Variants in SRGAP1 observed in about 807,000 individuals in gnomAD.
SRGAP1 encodes the protein SLIT-ROBO Rho GTPase-activating protein 1.
Under a neutral mutation model 121.9 loss-of-function variants are expected in SRGAP1, and 43 were observed. The ratio of observed to expected loss-of-function variants is 0.35; its 90% CI spans 0.28 to 0.46. The LOEUF (loss-of-function observed/expected upper bound fraction) is 0.46. Ranked by LOEUF, SRGAP1 falls within the 20% of genes least tolerant of loss-of-function variation. The pLI is 1.00. For synonymous variants in SRGAP1, 447 were observed against 485.4 expected (o/e 0.92, Z 1.04); for missense variants, 1,102 against 1,350.9 (o/e 0.82, Z 2.89).
At chr12:64,056,634 C>T (rs1449816713) in intron 6 of SRGAP1, among the ~76,000 whole-genome samples, 1 of 151,998 alleles carries the variant, frequency 6.6e-6, no homozygotes, top group African/African-American at 2.4e-5. Context: ...AAAGACCTCC[C>T]ATTGTCCTTA....
intron 21 of SRGAP1, among the ~76,000 whole-genome samples, chr12:64,128,798 C>G (rs2036740070): frequency 6.6e-6 from 1 of 152,174 alleles, no homozygotes; most frequent in Admixed American, 6.5e-5. Context: ...CTATGTACCT[C>G]CTGAACACAT....
chr12:63,926,438 C>G (rs1415764459), intron 1 of SRGAP1, among the ~76,000 whole-genome samples: 1 of 152,156 alleles, frequency 6.6e-6, no homozygotes, highest in Non-Finnish European at 1.5e-5. Context: ...ACCCAAGTTG[C>G]AAGTGGTCCA....
intron 1 of SRGAP1, among the ~76,000 whole-genome samples, chr12:63,966,463 C>T (rs1432350830): frequency 6.6e-6 from 1 of 152,136 alleles, no homozygotes; most frequent in Admixed American, 6.5e-5. Context: ...CAAAGGAAAT[C>T]TTCACTTATG....
intron 3 of SRGAP1, among the ~76,000 whole-genome samples, chr12:64,009,222 T>G (rs1278164552): frequency 6.6e-6 from 1 of 152,188 alleles, no homozygotes; most frequent in Non-Finnish European, 1.5e-5. Context: ...TCTGAAACAG[T>G]TTTATAACTC....
rs777834691 is a variant in SRGAP1, at chr12:64,126,146, G to T, written c.2394G>T (p.Val798=). 1 of 1,613,154 alleles carries T rather than the reference G, an allele frequency of 6.2e-7. No homozygotes were observed. The highest frequency in any genetic ancestry group is 1.1e-5 in the South Asian group (1 of 90,968). The part of the protein sequence containing the change: ...IDGLVPHQYI[V]VQDMDDTFSD... ...GGCTGGTGCCTCACCAGTATATAGTGGTGCAGGATATGTGAGTAGTCTCAA... is the reference window on the plus strand; with the variant it reads ...GGCTGGTGCCTCACCAGTATATAGTTGTGCAGGATATGTGAGTAGTCTCAA... Residue 798 remains valine, a synonymous_variant, in exon 19 of 22, where the codon GTG becomes GTT. Coordinates refer to ENST00000355086, the MANE Select transcript of SRGAP1 (RefSeq NM_020762.4).
chr12:64,074,859 TATTA>T (rs1348873898), intron 8 of SRGAP1, among the ~76,000 whole-genome samples: 4 of 152,214 alleles, frequency 2.6e-5, no homozygotes, highest in African/African-American at 7.2e-5. Flanking sequence ...AGTATTCAGC[TATTA>T]ATTTAGTTAT....
rs781042705 is a variant in SRGAP1 at position 64,142,491 on chromosome 12, G to A, written c.3077G>A (p.Arg1026His). The change falls in exon 22 of 22, where the codon CGT becomes CAT. Residue 1026 changes from arginine to histidine, a missense_variant. Arg to His is a conservative substitution (Grantham distance 29). Transcript: ENST00000355086. ...AGGAGCTCCGAGCCTCAGATTCGAC[G>A]TAGCACGAGCTCCTCCAGTGACACA... Reference protein sequence around the residue: ...ALRSSEPQIRRSTSSSSDTMS... With the variant: ...ALRSSEPQIRHSTSSSSDTMS... 2.0e-5 allele frequency: 32 copies of A among 1,614,074 alleles called. No homozygotes were observed. In the Middle Eastern group the frequency reaches 6.6e-4, roughly 33 times the overall value.
intron 19 of SRGAP1, among the ~76,000 whole-genome samples, 161 bp from the exon 20 acceptor site, chr12:64,127,429 A>C (rs1163408920): frequency 6.6e-6 from 1 of 152,230 alleles, no homozygotes; most frequent in Non-Finnish European, 1.5e-5. Flanking sequence ...TGCTTTTATA[A>C]TGAAAAGAGA....
At chr12:64,121,128 C>T (rs1325518079) in intron 18 of SRGAP1, among the ~76,000 whole-genome samples, 1 of 151,792 alleles carries the variant, frequency 6.6e-6, no homozygotes, top group Non-Finnish European at 1.5e-5. Context: ...ATCCTCCCAC[C>T]TCAGCCTCCT....
At chr12:64,128,270 C>A in intron 21 of SRGAP1, 70 bp downstream of exon 21, 1 of 1,334,432 alleles carries the variant, frequency 7.5e-7, no homozygotes, top group Non-Finnish European at 1.0e-6. Context: ...GAAAGATTTA[C>A]TTTATTTACT....
chr12:63,996,473 G>C (rs1320334294), intron 3 of SRGAP1, among the ~76,000 whole-genome samples: 1 of 151,990 alleles, frequency 6.6e-6, no homozygotes, highest in African/African-American at 2.4e-5. Context: ...GAATTATCAA[G>C]TCAGAGGGTG....
chr12:64,065,246 C>G (rs773201353), intron 8 of SRGAP1, 27 bp downstream of exon 8: 6 of 1,553,042 alleles, frequency 3.9e-6, no homozygotes, highest in Admixed American at 1.8e-5. Context: ...CCTGCCACAC[C>G]AGTAATCTGA....
At chr12:63,915,684 T>C (rs1289211833) in intron 1 of SRGAP1, among the ~76,000 whole-genome samples, 1 of 152,224 alleles carries the variant, frequency 6.6e-6, no homozygotes, top group African/African-American at 2.4e-5. Context: ...AAATTCCTTA[T>C]TGATTAACAA....
rs961279660 is a variant in SRGAP1, at chr12:64,157,221, C to G, written c.*14549C>G. ...CATGAGGGTTACCATATGTCTGACA[C>G]TGTAGGAAGAGCTGAAGCAGGGCCT... On this transcript the variant is annotated 3_prime_UTR_variant, in exon 22 of 22. Transcript: ENST00000355086. 1.3e-5 allele frequency: 2 copies of G among 152,206 alleles called. No individual in the cohort carries two copies. Among genetic ancestry groups the G allele is most frequent in the African/African-American group, 4.8e-5 (2 of 41,426 alleles). The allele number at this position is 152,206 out of a possible 1,614,324, so 9.4% of individuals were successfully genotyped here.
chr12:63,870,533 ATTTTTTTTT>A (rs1216674448), intron 1 of SRGAP1, among the ~76,000 whole-genome samples: 1 of 100,808 alleles, frequency 9.9e-6, no homozygotes, highest in South Asian at 3.2e-4. Flanking sequence ...CCCTATCTTG[ATTTTTTTTT>A]TTTTTTTTTT....
intron 3 of SRGAP1, among the ~76,000 whole-genome samples, chr12:63,993,029 T>C (rs904520803): frequency 6.6e-6 from 1 of 152,210 alleles, no homozygotes; most frequent in South Asian, 2.1e-4. Flanking sequence ...TCTGTGTTAT[T>C]GCTGGAAGAG....
At chr12:63,861,287 C>CATATAT (rs368154902) in intron 1 of SRGAP1, among the ~76,000 whole-genome samples, 92 of 137,710 alleles carry the variant, frequency 6.7e-4, no homozygotes, top group African/African-American at 1.8e-3. Context: ...GGATGGTAGG[C>CATATAT]ATATATATAT....
chr12:63,946,077 A>G (rs958043793), intron 1 of SRGAP1, among the ~76,000 whole-genome samples: 2 of 152,190 alleles, frequency 1.3e-5, no homozygotes, highest in African/African-American at 4.8e-5. Flanking sequence ...AATCACCTTG[A>G]CAATATTCAG....
At chr12:64,117,081 AG>A (rs1312619930) in intron 18 of SRGAP1, among the ~76,000 whole-genome samples, 1 of 152,116 alleles carries the variant, frequency 6.6e-6, no homozygotes, top group Non-Finnish European at 1.5e-5. Context: ...GGAGTGGGAG[AG>A]CCTGATAATC....
Sources: allele counts gnomAD v4.1 joint callset (sites outside exome capture counted in the v4.1 genomes callset), GRCh38; gene constraint gnomAD v4.1.1; transcripts MANE v1.5; gene names NCBI Gene and HGNC (gene_info 2026-07-23, HGNC 2026-07-21).